Variants in N4BP2 observed in about 807,000 individuals in gnomAD.
N4BP2 encodes NEDD4 binding protein 2.
A neutral mutation model predicts 152.8 loss-of-function variants in N4BP2; 91 were observed. That is an observed-to-expected ratio of 0.60 (90% CI 0.50 to 0.71). The LOEUF (loss-of-function observed/expected upper bound fraction) is 0.71. Ranked by LOEUF, N4BP2 falls within the 30% of genes least tolerant of loss-of-function variation. The probability of loss-of-function intolerance (pLI) is 0.00; values close to 1 mark genes in which losing one functional copy is unlikely to be tolerated. For synonymous variants in N4BP2, 646 were observed against 705.3 expected, an observed-to-expected ratio of 0.92 and a Z score of 1.33; for missense variants, 1,923 against 2,059.1, an observed-to-expected ratio of 0.93 and a Z score of 1.28.
the N4BP2 span, among the ~76,000 whole-genome samples, chr4:40,175,161 T>C: frequency 6.6e-6 from 1 of 151,706 alleles, no homozygotes; most frequent in Admixed American, 6.6e-5. Context: ...GCTGGGACTA[T>C]AGGTGCATGC....
At chr4:40,079,818 C>G (rs1713171350) in intron 2 of N4BP2, among the ~76,000 whole-genome samples, 1 of 151,824 alleles carries the variant, frequency 6.6e-6, no homozygotes, top group Non-Finnish European at 1.5e-5. Flanking sequence ...AAACAAAAAT[C>G]TAGAGTTGAT....
the N4BP2 span, among the ~76,000 whole-genome samples, chr4:40,171,661 A>G: frequency 6.6e-6 from 1 of 152,160 alleles, no homozygotes; most frequent in African/African-American, 2.4e-5. Context: ...TATCTACATA[A>G]AGGGGAGTTT....
intron 2 of N4BP2, among the ~76,000 whole-genome samples, chr4:40,078,770 C>T (rs888854375): frequency 6.6e-6 from 1 of 151,980 alleles, no homozygotes; most frequent in Non-Finnish European, 1.5e-5. Flanking sequence ...TCAAGCAGTT[C>T]GCCCACTGTG....
chr4:40,095,382 G>A (rs1022341169), intron 2 of N4BP2, among the ~76,000 whole-genome samples: 5 of 152,118 alleles, frequency 3.3e-5, no homozygotes, highest in African/African-American at 4.8e-5. Flanking sequence ...CGCCCAGCCC[G>A]CTATATCTTT....
chr4:40,120,486 C>T lies in N4BP2; in HGVS notation c.2375C>T (p.Pro792Leu). 3 of 1,613,630 alleles carry T rather than the reference C, an allele frequency of 1.9e-6. No individual in the cohort carries two copies. Among genetic ancestry groups the T allele is most frequent in the Non-Finnish European group, 1.7e-6 (2 of 1,179,960 alleles). ...HELSNFVGDW[P>L]VDKTIGQRTK... ...CTATCAAATTTTGTTGGTGACTGGC[C>T]AGTTGATAAGACTATTGGTCAGAGG... The change falls in exon 9 of 18, where the codon CCA (proline) becomes CTA (leucine). Residue 792 changes from proline (P) to leucine (L), a missense_variant. Physicochemically the swap from Pro to Leu is moderately conservative, Grantham distance 98. Coordinates refer to ENST00000261435, the MANE Select transcript of N4BP2 (RefSeq NM_018177.6).
chr4:40,177,338 C>T, the N4BP2 span, among the ~76,000 whole-genome samples: 6 of 152,096 alleles, frequency 3.9e-5, no homozygotes, highest in South Asian at 8.3e-4. Context: ...TTCCTGGGCC[C>T]GGCACGGTGG....
chr4:40,063,945 A>G (rs1014466683), intron 1 of N4BP2, among the ~76,000 whole-genome samples: 3 of 151,606 alleles, frequency 2.0e-5, no homozygotes, highest in Non-Finnish European at 4.4e-5. Context: ...GTGCTGGCCA[A>G]TTTTATTTAT....
the N4BP2 span, among the ~76,000 whole-genome samples, chr4:40,177,990 AG>A: frequency 1.1e-4 from 16 of 152,144 alleles, no homozygotes; most frequent in African/African-American, 3.4e-4. Context: ...TTAAGCAACC[AG>A]AAAAAAACAA....
At chr4:40,073,706 A>ACCTGGGTTCACGCCATTCTGCTG in intron 2 of N4BP2, among the ~76,000 whole-genome samples, 155 bp downstream of exon 2, 1 of 151,854 alleles carries the variant, frequency 6.6e-6, no homozygotes, top group South Asian at 2.1e-4. Flanking sequence ...CGATTCTCTC[A>ACCTGGGTTCACGCCATTCTGCTG]CCTCAGCCTC....
intron 16 of N4BP2, 104 bp downstream of exon 16, chr4:40,144,904 CTG>C (rs1350632356): frequency 4.8e-6 from 4 of 831,002 alleles, no homozygotes; most frequent in African/African-American, 1.7e-5. Flanking sequence ...CTGAGAATAT[CTG>C]TGTAACATCT....
intron 3 of N4BP2, chr4:40,099,971 A>G (rs981033997): frequency 2.5e-5 from 8 of 321,916 alleles, no homozygotes; most frequent in Non-Finnish European, 3.6e-5. Flanking sequence ...TAGTATTGCT[A>G]TGATCTCCTA....
chr4:40,094,208 C>G (rs1010904835), intron 2 of N4BP2, among the ~76,000 whole-genome samples: 1 of 152,060 alleles, frequency 6.6e-6, no homozygotes, highest in Admixed American at 6.5e-5. Context: ...GGAAAACATA[C>G]CTGTGTGATA....
At chr4:40,180,979 A>C in the N4BP2 span, among the ~76,000 whole-genome samples, 1 of 152,136 alleles carries the variant, frequency 6.6e-6, no homozygotes, top group African/African-American at 2.4e-5. Flanking sequence ...GTGAAACCTC[A>C]TCTCTACTAA....
In N4BP2 at chr4:40,131,139, C is replaced by G. The variant is rs138323778; in HGVS notation, c.4528-662C>G. Among the ~76,000 whole-genome samples the G allele has an allele frequency of 2.4e-3, 359 of 152,188 alleles. 1 individual carries two copies. The highest frequency in any genetic ancestry group is 8.2e-3 in the African/African-American group (340 of 41,524). ...CATTGAGGAGAATATGTTTTGAGGA[C>G]GATGTTCACAGCATCACACAGTGTC... is the stretch of plus-strand genomic sequence containing the variant. On this transcript the variant is annotated intron_variant, in intron 12 of 17. Coordinates refer to ENST00000261435, the MANE Select transcript of N4BP2 (RefSeq NM_018177.6).
chr4:40,108,018 C>T (rs779935424), intron 5 of N4BP2, among the ~76,000 whole-genome samples: 22 of 150,322 alleles, frequency 1.5e-4, no homozygotes, highest in Non-Finnish European at 2.8e-4. Flanking sequence ...CCGCCTCCCA[C>T]GTTCAAGGGA....
intron 7 of N4BP2, among the ~76,000 whole-genome samples, chr4:40,117,127 G>C (rs969158250): frequency 2.0e-5 from 3 of 152,114 alleles, no homozygotes; most frequent in African/African-American, 7.2e-5. Context: ...TTTTTCATCA[G>C]TTCTGGAAAA....
intron 6 of N4BP2, 93 bp from the exon 7 acceptor site, chr4:40,113,339 T>A: frequency 1.1e-6 from 1 of 927,020 alleles, no homozygotes; most frequent in Non-Finnish European, 1.7e-6. Flanking sequence ...GATTAGATAA[T>A]CTTTACGTTT....
chr4:40,113,507 A>T lies in N4BP2; in HGVS notation c.1663A>T (p.Arg555Trp), dbSNP rs377340025. The change falls in exon 7 of 18, where the codon AGG (arginine) becomes TGG (tryptophan). Residue 555 changes from arginine (R) to tryptophan (W), a missense_variant and splice_region_variant. Arg to Trp is a moderately radical substitution (Grantham distance 101). Coordinates refer to ENST00000261435, the MANE Select transcript of N4BP2 (RefSeq NM_018177.6). ...WWKFKPKELA[R>W]RNIHGVSKEK... The stretch of plus-strand genomic sequence containing the variant: ...GAAGTTTAAACCAAAGGAACTTGCA[A>T]GGTAAAACTTGGAGGCTACCTAACA... 3 of 1,610,860 alleles carry T rather than the reference A, an allele frequency of 1.9e-6. No homozygotes were observed. The highest frequency in any genetic ancestry group is 2.5e-6 in the Non-Finnish European group (3 of 1,177,490).
rs1485225642 is a variant in N4BP2 at position 40,121,234 on chromosome 4, A to G, written c.3123A>G (p.Val1041=). 3 of 1,613,378 alleles carry G rather than the reference A, an allele frequency of 1.9e-6. No homozygotes were observed. The highest frequency in any genetic ancestry group is 2.2e-5 in the East Asian group (1 of 44,896). The change falls in exon 9 of 18, where the codon GTA becomes GTG. Residue 1041 remains valine, a synonymous_variant. Coordinates refer to ENST00000261435, the MANE Select transcript of N4BP2 (RefSeq NM_018177.6). Reference sequence around the variant, plus strand: ...TTAGCATTTCAGATTCTATCAAAGTATTAACAGGAAGATTAGATGGATTTA... The same window carrying G: ...TTAGCATTTCAGATTCTATCAAAGTGTTAACAGGAAGATTAGATGGATTTA... ...NKISISDSIK[V]LTGRLDGFKP... is the part of the protein sequence containing the mutation.
Sources: allele counts gnomAD v4.1 joint callset (sites outside exome capture counted in the v4.1 genomes callset), GRCh38; gene constraint gnomAD v4.1.1; transcripts MANE v1.5; gene names NCBI Gene and HGNC (gene_info 2026-07-23, HGNC 2026-07-21).